The following RAB40A variants were observed in gnomAD, a reference collection of about 807,000 sequenced individuals.
RAB40A encodes the protein ras-related protein Rab-40A.
For missense variants in RAB40A, 145 were observed against 230.2 expected (o/e 0.63, Z 2.40); for synonymous variants, 65 against 99.9 (o/e 0.65, Z 2.08).
chrX:103,517,913 C>G (rs1264995962), intron 1 of RAB40A, among the ~76,000 whole-genome samples: 3 of 111,934 alleles, frequency 2.7e-5, no homozygotes, highest in Non-Finnish European at 5.6e-5. Context: ...CAGGATATAC[C>G]ATTAAGTGAA....
chrX:103,518,982 A>G (rs1387677106), intron 1 of RAB40A, among the ~76,000 whole-genome samples: 1 of 111,852 alleles, frequency 8.9e-6, no homozygotes, highest in Non-Finnish European at 1.9e-5. Context: ...AATCGAGGTG[A>G]AAAAGGGATG....
chrX:103,518,807 T>C (rs1329592713), intron 1 of RAB40A, among the ~76,000 whole-genome samples: 1 of 111,923 alleles, frequency 8.9e-6, no homozygotes, highest in Non-Finnish European at 1.9e-5. Context: ...CATCCAACCC[T>C]TTCTATACAT....
Position 103,514,975 on chromosome X carries a change from A to G in RAB40A, c.-71+2399T>C, listed in dbSNP as rs138568966. ...CATTCATTGCATGTGAGTCTAATAT[A>G]TTGAGACATTCAAGATTTGCCAGAC... is the stretch of plus-strand genomic sequence containing the variant. On this transcript the variant is annotated intron_variant, in intron 2 of 2. Transcript: ENST00000304236. 9.6e-4 allele frequency among the ~76,000 whole-genome samples: 108 copies of G among 112,339 alleles called. 3 individuals carry two copies. In the East Asian group the frequency reaches 0.025, roughly 26 times the overall value.
chrX:103,500,080 GAGA>G lies in RAB40A; in HGVS notation c.674_676del (p.Phe225del), dbSNP rs770815627. 1.0e-4 allele frequency: 127 copies of G among 1,210,726 alleles called. No homozygotes were observed. In the African/African-American group the frequency reaches 2.0e-3, roughly 19 times the overall value. On this transcript the variant is annotated inframe_deletion, in exon 3 of 3. Coordinates refer to ENST00000304236, the MANE Select transcript of RAB40A (RefSeq NM_080879.3). Reference sequence around the variant, plus strand: ...CCTGGCATTCAGGCCCTTAGCCATGGAGAAGGACTTGAGGTGGCTTCTTAAGGT... The same window carrying G: ...CCTGGCATTCAGGCCCTTAGCCATGGAGGACTTGAGGTGGCTTCTTAAGGT...
intron 2 of RAB40A, among the ~76,000 whole-genome samples, chrX:103,517,056 C>A (rs2073320410): frequency 9.0e-6 from 1 of 111,688 alleles, no homozygotes; most frequent in African/African-American, 3.3e-5. Context: ...CTTTAGACTT[C>A]TTTAACCTGC....
intron 2 of RAB40A, among the ~76,000 whole-genome samples, chrX:103,507,484 GAAA>G (rs60649805): frequency 7.3e-5 from 8 of 109,755 alleles, no homozygotes; most frequent in African/African-American, 2.7e-4. Flanking sequence ...TATTTAAAAG[GAAA>G]AAACATTAAA....
intron 2 of RAB40A, among the ~76,000 whole-genome samples, chrX:103,511,582 C>A (rs927968654): frequency 9.1e-6 from 1 of 110,058 alleles, no homozygotes; most frequent in Admixed American, 9.6e-5. Context: ...TCATTCTCAG[C>A]AAACTAACAC....
chrX:103,500,610 G>A lies in RAB40A; in HGVS notation c.147C>T (p.Ile49=), dbSNP rs751113228. ...GCAGGATGGTGGTCGTCTTGTAGTC[G>A]ATCCCCCCGAGATGGCTGTACGGGG... is the stretch of plus-strand genomic sequence containing the variant. ...AESPYSHLGG[I]DYKTTTILLD... The change falls in exon 3 of 3, where the codon ATC becomes ATT. Residue 49 remains isoleucine (I), a synonymous_variant. Transcript: ENST00000304236. 2.5e-6 allele frequency: 3 copies of A among 1,210,981 alleles called. No homozygotes were observed. In the African/African-American group the frequency reaches 5.2e-5, roughly 21 times the overall value.
At chrX:103,503,563 G>T in intron 2 of RAB40A, 2 of 665,980 alleles carry the variant, frequency 3.0e-6, no homozygotes, top group Non-Finnish European at 3.5e-6. Context: ...TTTGCAAAAT[G>T]TCCTCCTTTA....
At chrX:103,498,061 G>A (rs957339098), downstream of RAB40A, among the ~76,000 whole-genome samples, 1 of 111,967 alleles carries the variant, frequency 8.9e-6, no homozygotes, top group Non-Finnish European at 1.9e-5. Flanking sequence ...AAACCATTCA[G>A]GATTCCAGTA....
Position 103,500,558 on chromosome X carries a change from G to T in RAB40A, c.199C>A (p.Leu67Ile), listed in dbSNP as rs1324052062. 2.5e-6 allele frequency: 3 copies of T among 1,209,405 alleles called. No homozygotes were observed. In the Admixed American group the frequency reaches 6.6e-5, roughly 26 times the overall value. ...CTTCCCTGCCCCGACGTATCCCAGA[G>T]CTTCAGCTTCACCCGCTGGCCGTCC... is the stretch of plus-strand genomic sequence containing the variant. ...LLDGQRVKLK[L>I]WDTSGQGRFC... is the part of the protein sequence containing the mutation. Residue 67 changes from leucine (L) to isoleucine (I), a missense_variant, in exon 3 of 3, where the codon CTC (leucine) becomes ATC (isoleucine). Transcript: ENST00000304236.
intron 2 of RAB40A, among the ~76,000 whole-genome samples, chrX:103,506,023 G>A (rs2073252925): frequency 9.0e-6 from 1 of 111,710 alleles, no homozygotes; most frequent in Non-Finnish European, 1.9e-5. Flanking sequence ...TATGGATTGG[G>A]TCTATTTCTT....
downstream of RAB40A, chrX:103,499,121 A>C (rs2073205122): frequency 8.7e-6 from 1 of 114,973 alleles, no homozygotes; most frequent in Non-Finnish European, 1.9e-5. Context: ...CAAAGAGAAA[A>C]ATATATACTT....
rs1395376850 is a variant in RAB40A, at chrX:103,499,842, C to A, written c.*81G>T. 8.9e-7 allele frequency: 1 copy of A among 1,119,767 alleles called. No individual in the cohort carries two copies. The highest frequency in any genetic ancestry group is 1.2e-6 in the Non-Finnish European group (1 of 813,487). 92.3% of individuals were successfully genotyped at this position (1,119,767 alleles called of 1,213,427 possible). ...GAAACTGAAAACTAATTTCTTGAATCTACAATGCGACTTCCATCTTCCAGG... is the reference window on the plus strand; with the variant it reads ...GAAACTGAAAACTAATTTCTTGAATATACAATGCGACTTCCATCTTCCAGG... On this transcript the variant is annotated 3_prime_UTR_variant, in exon 3 of 3. Transcript: ENST00000304236.
chrX:103,504,257 A>G (rs1459568303), intron 2 of RAB40A, among the ~76,000 whole-genome samples: 1 of 111,276 alleles, frequency 9.0e-6, no homozygotes. Flanking sequence ...GGGATCATTC[A>G]TATCCCAAAC....
chrX:103,503,573 A>T (rs1603129976), intron 2 of RAB40A: 8 of 149,366 alleles, frequency 5.4e-5, no homozygotes, highest in Non-Finnish European at 6.5e-5. Flanking sequence ...GTCCTCCTTT[A>T]AAAAAAAAAA....
In RAB40A at chrX:103,517,484, T is replaced by G. The variant is rs986558713; in HGVS notation, c.-181A>C. The G allele has an allele frequency of 9.0e-6, 1 of 111,377 alleles. No homozygotes were observed. Among genetic ancestry groups the G allele is most frequent in the African/African-American group, 3.3e-5 (1 of 30,661 alleles). The allele number at this position is 111,377 out of a possible 1,213,427, so 9.2% of individuals were successfully genotyped here. A position where few individuals can be genotyped will look rare whatever the true frequency, so the allele number is the denominator to read the frequency against. ...ATTCTTTGCTCTTCTGTACTATTTCTTCCTCCCATGGCTCAATAAGAACTC... is the reference window on the plus strand; with the variant it reads ...ATTCTTTGCTCTTCTGTACTATTTCGTCCTCCCATGGCTCAATAAGAACTC... On this transcript the variant is annotated 5_prime_UTR_variant, in exon 2 of 3. Transcript: ENST00000304236.
At chrX:103,515,739 TGA>T (rs1410670049) in intron 2 of RAB40A, among the ~76,000 whole-genome samples, 1 of 111,824 alleles carries the variant, frequency 8.9e-6, no homozygotes, top group Non-Finnish European at 1.9e-5. Flanking sequence ...ATAATATAGA[TGA>T]GTGTGTGTGG....
chrX:103,494,277 A>G (rs888532797), downstream of RAB40A, among the ~76,000 whole-genome samples: 10 of 111,639 alleles, frequency 9.0e-5, no homozygotes, highest in Non-Finnish European at 1.7e-4. Context: ...CCTTTTAATC[A>G]GTTTAGTTAT....
Sources: gnomAD v4.1 joint callset for allele counts (sites outside exome capture counted in the v4.1 genomes callset) on GRCh38, gnomAD v4.1.1 for gene constraint, MANE v1.5 for transcripts, NCBI Gene and HGNC (gene_info 2026-07-23, HGNC 2026-07-21) for gene names.